KCNIP4: variants seen among roughly 807,000 people sequenced by gnomAD.
KCNIP4 encodes potassium voltage-gated channel interacting protein 4, also known as Kv channel-interacting protein 4.
In KCNIP4, 12 loss-of-function variants were observed where a neutral mutation model predicts 34.0. That is an observed-to-expected ratio of 0.35 (90% confidence interval 0.23 to 0.57). The LOEUF is 0.57. Ranked by LOEUF, KCNIP4 falls within the 20% of genes least tolerant of loss-of-function variation. KCNIP4 has a pLI of 0.83. For missense variants in KCNIP4, 238 were observed against 311.7 expected (o/e 0.76, Z 1.78); for synonymous variants, 124 against 102.2 (o/e 1.21, Z -1.29).
chr4:21,571,605 G>T (rs1560525953), intron 1 of KCNIP4, among the ~76,000 whole-genome samples: 3 of 152,154 alleles, frequency 2.0e-5, no homozygotes, highest in Non-Finnish European at 4.4e-5. Context: ...ATATCCATCA[G>T]TTTCACTGCA....
At chr4:21,535,795 T>C (rs537380729) in intron 1 of KCNIP4, among the ~76,000 whole-genome samples, 3 of 152,308 alleles carry the variant, frequency 2.0e-5, no homozygotes, top group African/African-American at 7.2e-5. Flanking sequence ...CTACATATTA[T>C]ATTTATTTCC....
At chr4:21,118,232 G>T (rs1405189224) in intron 1 of KCNIP4, among the ~76,000 whole-genome samples, 1 of 152,124 alleles carries the variant, frequency 6.6e-6, no homozygotes, top group Non-Finnish European at 1.5e-5. Context: ...GTGACAATTA[G>T]AGTCCAATCC....
intron 1 of KCNIP4, among the ~76,000 whole-genome samples, chr4:21,575,981 A>C (rs1740717280): frequency 6.6e-6 from 1 of 152,188 alleles, no homozygotes; most frequent in South Asian, 2.1e-4. Context: ...CACTTGGAAG[A>C]GAGCCATTCA....
chr4:21,121,659 G>A (rs376293029), intron 1 of KCNIP4, among the ~76,000 whole-genome samples: 1 of 151,976 alleles, frequency 6.6e-6, no homozygotes, highest in Non-Finnish European at 1.5e-5. Flanking sequence ...ATTTCTCATT[G>A]GTAAAATACA....
intron 1 of KCNIP4, among the ~76,000 whole-genome samples, chr4:21,109,575 C>T (rs1748959710): frequency 6.6e-6 from 1 of 152,246 alleles, no homozygotes. Flanking sequence ...ATGCCTGGCC[C>T]TGCTTTGGCT....
intron 2 of KCNIP4, among the ~76,000 whole-genome samples, chr4:20,855,116 G>A (rs926980257): frequency 2.6e-5 from 4 of 152,102 alleles, no homozygotes; most frequent in African/African-American, 9.7e-5. Flanking sequence ...GTAACATCTG[G>A]TAATATCTGC....
At chr4:21,485,863 C>T (rs1036440681) in intron 1 of KCNIP4, among the ~76,000 whole-genome samples, 3 of 152,176 alleles carry the variant, frequency 2.0e-5, no homozygotes, top group South Asian at 2.1e-4. Context: ...CATAAAGTAG[C>T]CACTTCACCA....
rs979784940 is a variant in KCNIP4, at chr4:21,522,933, T to C, written c.61+425638A>G. Among the ~76,000 whole-genome samples the C allele has an allele frequency of 1.6e-4, 25 of 152,048 alleles. 1 individual carries two copies. Among genetic ancestry groups the C allele is most frequent in the African/African-American group, 6.0e-4 (25 of 41,404 alleles). On this transcript the variant is annotated intron_variant, in intron 1 of 8. Transcript: ENST00000382152. Reference sequence around the variant, plus strand: ...GTTTGTGTCCCTGAAATTCCATGTGTTGAATACTAACATTCAAGCTGATGG... The same window carrying C: ...GTTTGTGTCCCTGAAATTCCATGTGCTGAATACTAACATTCAAGCTGATGG...
intron 1 of KCNIP4, among the ~76,000 whole-genome samples, chr4:21,759,215 T>C (rs1717881194): frequency 6.6e-6 from 1 of 152,194 alleles, no homozygotes; most frequent in Non-Finnish European, 1.5e-5. Context: ...GATTTTAATA[T>C]ATTGATTAAA....
chr4:21,388,554 G>A (rs1722252039), intron 1 of KCNIP4, among the ~76,000 whole-genome samples: 1 of 152,082 alleles, frequency 6.6e-6, no homozygotes, highest in Admixed American at 6.6e-5. Flanking sequence ...GAATTATATT[G>A]AGTGAATTCA....
intron 1 of KCNIP4, among the ~76,000 whole-genome samples, chr4:21,339,281 G>A (rs59639119): frequency 0.034 from 5,172 of 152,212 alleles, 220 homozygotes; most frequent in East Asian, 0.19. Flanking sequence ...AGAATGAGAA[G>A]GCAATTGTTT....
intron 1 of KCNIP4, among the ~76,000 whole-genome samples, chr4:21,741,953 C>T (rs1004129604): frequency 6.6e-6 from 1 of 152,138 alleles, no homozygotes; most frequent in Non-Finnish European, 1.5e-5. Flanking sequence ...AGGAGAATTG[C>T]TTGAACCCTG....
intron 1 of KCNIP4, among the ~76,000 whole-genome samples, chr4:21,484,733 G>C (rs1267235434): frequency 2.0e-5 from 3 of 152,072 alleles, no homozygotes; most frequent in Non-Finnish European, 4.4e-5. Context: ...GGCCCAACTT[G>C]GCACATACAA....
chr4:21,291,935 G>GAAAA (rs1202086938), intron 1 of KCNIP4, among the ~76,000 whole-genome samples: 33 of 74,204 alleles, frequency 4.4e-4, no homozygotes, highest in East Asian at 1.1e-3. Flanking sequence ...AAGAAAGAAA[G>GAAAA]AAAAAAAAAG....
intron 1 of KCNIP4, among the ~76,000 whole-genome samples, chr4:21,858,672 T>G (rs1421253455): frequency 1.3e-5 from 2 of 152,240 alleles, no homozygotes; most frequent in Non-Finnish European, 2.9e-5. Context: ...AAAATAAAGT[T>G]AAAAGCAAGG....
At chr4:21,681,962 C>T (rs753973470) in intron 1 of KCNIP4, among the ~76,000 whole-genome samples, 1 of 151,826 alleles carries the variant, frequency 6.6e-6, no homozygotes, top group Non-Finnish European at 1.5e-5. Flanking sequence ...GGCCTTGGCT[C>T]ATCACAACCT....
intron 1 of KCNIP4, among the ~76,000 whole-genome samples, chr4:21,690,110 ATATAT>A (rs1303116563): frequency 2.0e-5 from 3 of 147,008 alleles, no homozygotes; most frequent in Admixed American, 6.8e-5. Context: ...ATATATATAC[ATATAT>A]TATATATATA....
chr4:20,851,042 T>C (rs563185533), intron 2 of KCNIP4, among the ~76,000 whole-genome samples: 1 of 152,298 alleles, frequency 6.6e-6, no homozygotes, highest in African/African-American at 2.4e-5. Flanking sequence ...ATTTCTTTTT[T>C]CCCCAACGTT....
intron 1 of KCNIP4, among the ~76,000 whole-genome samples, chr4:21,783,299 A>T (rs1719689226): frequency 6.6e-6 from 1 of 152,154 alleles, no homozygotes; most frequent in Non-Finnish European, 1.5e-5. Flanking sequence ...TAAATGGTTA[A>T]ACAAAGCCAA....
Sources: gnomAD v4.1 joint callset for allele counts (sites outside exome capture counted in the v4.1 genomes callset) on GRCh38, gnomAD v4.1.1 for gene constraint, MANE v1.5 for transcripts, NCBI Gene and HGNC (gene_info 2026-07-23, HGNC 2026-07-21) for gene names.